NCOA2: variants seen among roughly 807,000 people sequenced by gnomAD.
NCOA2 encodes the protein nuclear receptor coactivator 2.
In NCOA2, 21 loss-of-function variants were observed where a neutral mutation model predicts 145.1. The ratio of observed to expected loss-of-function variants is 0.14; its 90% confidence interval spans 0.10 to 0.21. The LOEUF is 0.21. Ranked by LOEUF, NCOA2 falls within the 10% of genes least tolerant of loss-of-function variation. The pLI, the probability that NCOA2 is intolerant of heterozygous loss-of-function variation, is 1.00. For synonymous variants in NCOA2, 619 were observed against 637.5 expected (o/e 0.97, Z 0.44); for missense variants, 1,472 against 1,837.6 (o/e 0.80, Z 3.64).
chr8:70,325,932 T>C (rs1186700203), intron 1 of NCOA2, among the ~76,000 whole-genome samples: 1 of 151,962 alleles, frequency 6.6e-6, no homozygotes, highest in Non-Finnish European at 1.5e-5. Flanking sequence ...AGCTGACTGC[T>C]CTCCCTGGGA....
the NCOA2 span, among the ~76,000 whole-genome samples, chr8:70,413,797 A>G: frequency 1.3e-5 from 2 of 152,152 alleles, no homozygotes; most frequent in African/African-American, 4.8e-5. Context: ...GTTTTTTAAC[A>G]TCTTTGATTA....
chr8:70,138,015 G>A lies in NCOA2; in HGVS notation c.3158+188C>T, dbSNP rs914017950. Reference sequence around the variant, plus strand: ...ACATATGTTATTTTCCATTTAATTTGTAACTCCTTTAAAGGTATGTCCTAG... The same window carrying A: ...ACATATGTTATTTTCCATTTAATTTATAACTCCTTTAAAGGTATGTCCTAG... On this transcript the variant is annotated intron_variant, in intron 15 of 22. Transcript: ENST00000452400. 42 of 437,398 alleles carry A rather than the reference G, an allele frequency of 9.6e-5. No homozygotes were observed. In the East Asian group the frequency reaches 1.4e-3, roughly 15 times the overall value. 27.1% of individuals were successfully genotyped at this position (437,398 alleles called of 1,614,324 possible). A position where few individuals can be genotyped will look rare whatever the true frequency, so the allele number is the denominator to read the frequency against.
chr8:70,128,317 G>A (rs1171919704), intron 18 of NCOA2, 116 bp downstream of exon 18: 3 of 819,830 alleles, frequency 3.7e-6, no homozygotes, highest in Non-Finnish European at 6.0e-6. Flanking sequence ...GACAGTACAG[G>A]GCTAGTGTGC....
intron 1 of NCOA2, among the ~76,000 whole-genome samples, chr8:70,305,634 G>A (rs1343985105): frequency 6.6e-6 from 1 of 152,000 alleles, no homozygotes; most frequent in East Asian, 1.9e-4. Context: ...AGGATAGCAA[G>A]CACCAAATGA....
intron 1 of NCOA2, among the ~76,000 whole-genome samples, chr8:70,375,710 AT>A: frequency 6.6e-6 from 1 of 152,294 alleles, no homozygotes; most frequent in Non-Finnish European, 1.5e-5. Context: ...AACCAGGGTC[AT>A]TTTCAGACTT....
chr8:70,136,550 GAA>G (rs67745153), intron 15 of NCOA2, among the ~76,000 whole-genome samples: 57 of 137,182 alleles, frequency 4.2e-4, no homozygotes, highest in African/African-American at 1.1e-3. Context: ...ATGAATGAAG[GAA>G]AAAAAAAAAA....
Position 70,345,729 on chromosome 8 carries a change from G to A in NCOA2, c.-76-48929C>T, listed in dbSNP as rs548189908. Among the ~76,000 whole-genome samples the A allele has an allele frequency of 3.3e-5, 5 of 152,244 alleles. No homozygotes were observed. The East Asian group carries it at 9.7e-4, about 29-fold the overall frequency. On this transcript the variant is annotated intron_variant, in intron 1 of 22. Coordinates refer to ENST00000452400, the MANE Select transcript of NCOA2 (RefSeq NM_006540.4). ...CATCTAGTCCAACACCCTCAAAAAT[G>A]TTTAAGTAATTTAGGCAAAATGATG... is the stretch of plus-strand genomic sequence containing the variant.
chr8:70,346,525 A>G (rs1024084215), intron 1 of NCOA2, among the ~76,000 whole-genome samples: 3 of 152,222 alleles, frequency 2.0e-5, no homozygotes, highest in African/African-American at 7.2e-5. Context: ...TTTTTCCTTT[A>G]AAAAGATAAA....
Position 70,124,615 on chromosome 8 carries a change from G to A in NCOA2, c.4094+73C>T, listed in dbSNP as rs75561398. Reference sequence around the variant, plus strand: ...AAAACAAACAGAAAGCTCCTCGGGTGCAGGCATGAAGGTGGGGGATGTCCT... The same window carrying A: ...AAAACAAACAGAAAGCTCCTCGGGTACAGGCATGAAGGTGGGGGATGTCCT... On this transcript the variant is annotated intron_variant, in intron 20 of 22. Transcript: ENST00000452400. 545 of 1,405,494 alleles carry A rather than the reference G, an allele frequency of 3.9e-4. 7 individuals are homozygous for A. In the East Asian group the frequency reaches 0.013, roughly 33 times the overall value. 87.1% of individuals were successfully genotyped at this position (1,405,494 alleles called of 1,614,324 possible). A position where few individuals can be genotyped will look rare whatever the true frequency, so the allele number is the denominator to read the frequency against.
chr8:70,308,872 A>G (rs1197384895), intron 1 of NCOA2, among the ~76,000 whole-genome samples: 1 of 152,224 alleles, frequency 6.6e-6, no homozygotes, highest in Admixed American at 6.5e-5. Context: ...GAAAGATTAA[A>G]GACAGCAATA....
At chr8:70,219,556 GA>G (rs1819953147) in intron 2 of NCOA2, among the ~76,000 whole-genome samples, 1 of 152,092 alleles carries the variant, frequency 6.6e-6, no homozygotes, top group African/African-American at 2.4e-5. Flanking sequence ...TAACCTCCAG[GA>G]AGTGCCAACA....
At chr8:70,127,093 T>G (rs73285383) in intron 18 of NCOA2, 46 bp from the exon 19 acceptor site, 7 of 1,394,458 alleles carry the variant, frequency 5.0e-6, no homozygotes, top group Non-Finnish European at 3.0e-6. Context: ...GGGACAGACA[T>G]AGATTAAAAA....
intron 1 of NCOA2, among the ~76,000 whole-genome samples, chr8:70,347,483 T>C (rs563744417): frequency 3.3e-5 from 5 of 149,910 alleles, no homozygotes; most frequent in Non-Finnish European, 7.4e-5. Flanking sequence ...AGACTCCATC[T>C]TAAAAAAAAA....
intron 4 of NCOA2, among the ~76,000 whole-genome samples, chr8:70,200,344 T>C (rs1817757415): frequency 6.6e-6 from 1 of 152,208 alleles, no homozygotes; most frequent in Non-Finnish European, 1.5e-5. Flanking sequence ...CTGGTTTATC[T>C]ATTCATTTCT....
At chr8:70,147,289 C>T (rs772628288) in intron 12 of NCOA2, among the ~76,000 whole-genome samples, 2 of 152,128 alleles carry the variant, frequency 1.3e-5, no homozygotes, top group African/African-American at 4.8e-5. Context: ...CCCACCACCA[C>T]GCCCGGCCCA....
intron 2 of NCOA2, among the ~76,000 whole-genome samples, chr8:70,285,101 A>G (rs1826147560): frequency 6.6e-6 from 1 of 152,224 alleles, no homozygotes. Flanking sequence ...ATGGTCTTAT[A>G]ATATCCTTAT....
chr8:70,172,004 T>C (rs1280245798), intron 5 of NCOA2, among the ~76,000 whole-genome samples: 1 of 152,142 alleles, frequency 6.6e-6, no homozygotes, highest in Non-Finnish European at 1.5e-5. Flanking sequence ...TTTTTTATTT[T>C]TGTAATGATG....
intron 9 of NCOA2, among the ~76,000 whole-genome samples, chr8:70,160,773 C>A (rs1812895537): frequency 6.6e-6 from 1 of 152,100 alleles, no homozygotes; most frequent in Non-Finnish European, 1.5e-5. Context: ...TGACTCCTCT[C>A]TGCAGTTTCA....
chr8:70,303,939 T>C (rs1268352996), intron 1 of NCOA2, among the ~76,000 whole-genome samples: 1 of 152,260 alleles, frequency 6.6e-6, no homozygotes, highest in East Asian at 1.9e-4. Context: ...CAACACACTA[T>C]AAGTAGAATT....
Sources: gnomAD v4.1 joint callset for allele counts (sites outside exome capture counted in the v4.1 genomes callset) on GRCh38, gnomAD v4.1.1 for gene constraint, MANE v1.5 for transcripts, NCBI Gene and HGNC (gene_info 2026-07-23, HGNC 2026-07-21) for gene names.